RBFOX1: variants seen among roughly 807,000 people sequenced by gnomAD.
The protein encoded by RBFOX1 is RNA binding protein fox-1 homolog 1.
RBFOX1 carries 8 observed loss-of-function variants against 57.7 expected under a neutral mutation model. The ratio of observed to expected loss-of-function variants is 0.14; its 90% CI spans 0.08 to 0.25. RBFOX1 has a LOEUF of 0.25. Among genes scored for constraint, RBFOX1 ranks in the 10% least tolerant of loss-of-function variants. RBFOX1 has a pLI of 1.00. For synonymous variants in RBFOX1, 326 were observed against 222.4 expected (o/e 1.47, Z -4.15); for missense variants, 611 against 548.5 (o/e 1.11, Z -1.14).
intron 2 of RBFOX1, among the ~76,000 whole-genome samples, chr16:6,613,003 ATGTGTGTGTGTGTGTGTGTGTGTGTGTG>A (rs57236292): frequency 4.2e-5 from 6 of 143,160 alleles, no homozygotes; most frequent in Non-Finnish European, 9.2e-5. Flanking sequence ...CAGTCCCAGC[ATGTGTGTGTGTGTGTGTGTGTGTGTGTG>A]TGTGTGTGTG....
chr16:7,068,211 A>G (rs1322125862), intron 4 of RBFOX1, among the ~76,000 whole-genome samples: 2 of 152,256 alleles, frequency 1.3e-5, no homozygotes, highest in South Asian at 2.1e-4. Flanking sequence ...CATAGCATAC[A>G]TAGATCTAAG....
rs1249176647 is a variant in RBFOX1, at chr16:6,706,820, A to G, written c.-16+52170A>G. On this transcript the variant is annotated intron_variant, in intron 3 of 15. Transcript: ENST00000550418. ...AACAGAAAATTGTCCTGTTTAGGGT[A>G]TCTGTAATAATAGGTGACCAGAAGT... Among the ~76,000 whole-genome samples the G allele has an allele frequency of 4.6e-5, 7 of 151,400 alleles. No homozygotes were observed. In the East Asian group the frequency reaches 1.2e-3, roughly 25 times the overall value.
intron 3 of RBFOX1, among the ~76,000 whole-genome samples, chr16:6,660,070 C>G (rs538319007): frequency 2.0e-5 from 3 of 151,908 alleles, no homozygotes; most frequent in East Asian, 1.9e-4. Flanking sequence ...ACCACAAATA[C>G]AAAAATTTCC....
At chr16:6,654,117 TG>T in intron 2 of RBFOX1, among the ~76,000 whole-genome samples, 1 of 151,596 alleles carries the variant, frequency 6.6e-6, no homozygotes, top group South Asian at 2.1e-4. Context: ...GGTGGATGGA[TG>T]GATGGGTAGA....
chr16:6,232,937 G>A (rs1403743820), intron 1 of RBFOX1, among the ~76,000 whole-genome samples: 1 of 152,118 alleles, frequency 6.6e-6, no homozygotes, highest in African/African-American at 2.4e-5. Flanking sequence ...CAGCATAAGG[G>A]AATCAGGGTT....
At chr16:7,670,687 C>G (rs1030213796) in intron 13 of RBFOX1, among the ~76,000 whole-genome samples, 1 of 152,146 alleles carries the variant, frequency 6.6e-6, no homozygotes. Context: ...CAAATTTAAA[C>G]TGGAAAGGCA....
intron 3 of RBFOX1, among the ~76,000 whole-genome samples, chr16:5,761,367 T>C (rs949226382): frequency 1.3e-5 from 2 of 152,202 alleles, no homozygotes; most frequent in Non-Finnish European, 2.9e-5. Context: ...TGGTAGTTAT[T>C]TATTTCCCAA....
At chr16:6,498,917 G>A (rs766731336) in intron 2 of RBFOX1, among the ~76,000 whole-genome samples, 1 of 152,086 alleles carries the variant, frequency 6.6e-6, no homozygotes, top group Non-Finnish European at 1.5e-5. Context: ...AGGCTTATAC[G>A]GCAAGTAGCA....
At chr16:5,336,120 T>C (rs911877354) in intron 1 of RBFOX1, among the ~76,000 whole-genome samples, 1 of 152,132 alleles carries the variant, frequency 6.6e-6, no homozygotes, top group African/African-American at 2.4e-5. Flanking sequence ...TTGTGCTTTT[T>C]TGGCTCGGAG....
At chr16:6,421,731 G>C (rs1422132915) in intron 2 of RBFOX1, among the ~76,000 whole-genome samples, 1 of 151,980 alleles carries the variant, frequency 6.6e-6, no homozygotes, top group Non-Finnish European at 1.5e-5. Context: ...ATCGTGAAGG[G>C]GCTTCTCCAT....
chr16:6,665,474 T>A lies in RBFOX1; in HGVS notation c.-16+10824T>A, dbSNP rs903375215. On this transcript the variant is annotated intron_variant, in intron 3 of 15. Coordinates refer to ENST00000550418, the MANE Select transcript of RBFOX1 (RefSeq NM_018723.4). The stretch of plus-strand genomic sequence containing the variant: ...GCTAAAAATAAAAAATATAAAAAAA[T>A]ATTAGCCAGGCATAGTGACAGGCAC... Among the ~76,000 whole-genome samples, 3 of 151,834 alleles carry A rather than the reference T, an allele frequency of 2.0e-5. 1 individual carries two copies. The highest frequency in any genetic ancestry group is 1.3e-4 in the Admixed American group (2 of 15,216).
intron 4 of RBFOX1, among the ~76,000 whole-genome samples, chr16:5,912,100 C>G (rs755051716): frequency 2.6e-5 from 4 of 152,140 alleles, no homozygotes; most frequent in Non-Finnish European, 4.4e-5. Flanking sequence ...AACAAATAAG[C>G]ATTTGGGGAT....
At chr16:6,181,325 C>T (rs1220710110) in intron 1 of RBFOX1, among the ~76,000 whole-genome samples, 1 of 152,192 alleles carries the variant, frequency 6.6e-6, no homozygotes, top group Non-Finnish European at 1.5e-5. Context: ...AGGGATGAAG[C>T]CCTCATCTAG....
chr16:6,013,267 C>G (rs1009802057), intron 4 of RBFOX1, among the ~76,000 whole-genome samples: 8 of 152,154 alleles, frequency 5.3e-5, no homozygotes, highest in African/African-American at 1.7e-4. Flanking sequence ...ATAAACAAGC[C>G]TGCCCTAAAT....
At chr16:6,645,943 A>G (rs1394493730) in intron 2 of RBFOX1, among the ~76,000 whole-genome samples, 1 of 152,162 alleles carries the variant, frequency 6.6e-6, no homozygotes. Flanking sequence ...AAACCCTAGC[A>G]GTGTGATTCT....
At chr16:6,116,503 T>G (rs1191694791) in intron 1 of RBFOX1, among the ~76,000 whole-genome samples, 1 of 152,188 alleles carries the variant, frequency 6.6e-6, no homozygotes, top group Non-Finnish European at 1.5e-5. Flanking sequence ...CAGTGGAGAT[T>G]TTCTTACATG....
At chr16:7,467,595 G>A (rs1195589080) in intron 4 of RBFOX1, among the ~76,000 whole-genome samples, 1 of 152,140 alleles carries the variant, frequency 6.6e-6, no homozygotes, top group African/African-American at 2.4e-5. Flanking sequence ...GTGGGACTTT[G>A]GGCAGATAAT....
At chr16:7,203,753 A>C (rs1043389197) in intron 4 of RBFOX1, among the ~76,000 whole-genome samples, 1 of 151,616 alleles carries the variant, frequency 6.6e-6, no homozygotes, top group African/African-American at 2.4e-5. Context: ...TTGGTTAGTG[A>C]CTCTTTCTCG....
intron 11 of RBFOX1, among the ~76,000 whole-genome samples, chr16:7,643,716 G>A (rs189561452): frequency 6.6e-6 from 1 of 152,172 alleles, no homozygotes; most frequent in Non-Finnish European, 1.5e-5. Flanking sequence ...AGTGGCAAAG[G>A]GAAACAGCCT....
Sources: allele counts gnomAD v4.1 joint callset (sites outside exome capture counted in the v4.1 genomes callset), GRCh38; gene constraint gnomAD v4.1.1; transcripts MANE v1.5; gene names NCBI Gene and HGNC (gene_info 2026-07-23, HGNC 2026-07-21).